Variants in DNAI4 observed in about 807,000 individuals in gnomAD.
DNAI4 encodes the protein WD repeat domain 78.
A neutral mutation model predicts 105.8 loss-of-function variants in DNAI4; 85 were observed. The ratio of observed to expected loss-of-function variants is 0.80; its 90% CI spans 0.67 to 0.96. DNAI4 has a LOEUF of 0.96. DNAI4 is among the 40% of genes least tolerant of loss of function. The probability of loss-of-function intolerance (pLI) is 0.00; values close to 1 mark genes in which losing one functional copy is unlikely to be tolerated. For synonymous variants in DNAI4, 352 were observed against 331.5 expected (o/e 1.06, Z -0.67); for missense variants, 1,014 against 1,005.6 (o/e 1.01, Z -0.11).
At chr1:66,814,747 C>T (rs558369168) in intron 16 of DNAI4, among the ~76,000 whole-genome samples, 3 of 152,258 alleles carry the variant, frequency 2.0e-5, no homozygotes, top group African/African-American at 7.2e-5. Context: ...TCCTATTTAA[C>T]CTTAATGCTT....
Position 66,924,683 on chromosome 1 carries a change from T to G in DNAI4, c.149A>C (p.His50Pro), listed in dbSNP as rs1569941588. 6.2e-7 allele frequency: 1 copy of G among 1,614,202 alleles called. No individual in the cohort carries two copies. Among genetic ancestry groups the G allele is most frequent in the East Asian group, 2.2e-5 (1 of 44,876 alleles). The stretch of plus-strand genomic sequence containing the variant: ...TTACAACCCGAAGTTCTGCTGCTTG[T>G]GACTGCCTGCCGGAGAGACTGGCAT... ...ATMPVSPAGS[H>P]KQQNFGLNNA... Residue 50 changes from histidine (H) to proline (P), a missense_variant, in exon 1 of 17, where the codon CAC becomes CCC. Coordinates refer to ENST00000371026, the MANE Select transcript of DNAI4 (RefSeq NM_024763.5).
chr1:66,900,831 A>G (rs1442223809), intron 2 of DNAI4, among the ~76,000 whole-genome samples: 2 of 152,194 alleles, frequency 1.3e-5, no homozygotes, highest in Non-Finnish European at 2.9e-5. Flanking sequence ...ACATCATGTC[A>G]TCTGCAAATA....
chr1:66,817,656 G>A (rs1219209357), intron 16 of DNAI4, among the ~76,000 whole-genome samples: 1 of 151,966 alleles, frequency 6.6e-6, no homozygotes, highest in Non-Finnish European at 1.5e-5. Flanking sequence ...TAATCCTACT[G>A]CATAGGAAAA....
chr1:66,842,369 T>A lies in DNAI4; in HGVS notation c.1292-1698A>T, dbSNP rs150084180. Among the ~76,000 whole-genome samples the A allele has an allele frequency of 7.2e-3, 1,098 of 152,182 alleles. 14 individuals carry two copies. The highest frequency in any genetic ancestry group is 0.023 in the African/African-American group (964 of 41,538). ...ATTACTAAATCATACGGTAAGAGTA[T>A]GTTTGGGTTTTTTTGTTTGTTTGTT... is the stretch of plus-strand genomic sequence containing the variant. On this transcript the variant is annotated intron_variant, in intron 8 of 16. Coordinates refer to ENST00000371026, the MANE Select transcript of DNAI4 (RefSeq NM_024763.5).
intron 7 of DNAI4, among the ~76,000 whole-genome samples, chr1:66,852,411 G>A (rs1307905714): frequency 1.3e-5 from 2 of 151,650 alleles, no homozygotes; most frequent in East Asian, 1.9e-4. Flanking sequence ...GAAACAAAGT[G>A]CAAAAAAGAA....
intron 1 of DNAI4, among the ~76,000 whole-genome samples, chr1:66,916,047 G>C (rs1039691063): frequency 2.7e-5 from 4 of 149,048 alleles, no homozygotes; most frequent in Non-Finnish European, 4.4e-5. Context: ...CTTAAACCCA[G>C]GAGGTGGAGA....
intron 2 of DNAI4, among the ~76,000 whole-genome samples, chr1:66,902,248 T>C (rs982417256): frequency 6.6e-6 from 1 of 152,156 alleles, no homozygotes; most frequent in African/African-American, 2.4e-5. Flanking sequence ...TTTTTAATAG[T>C]AGCTGTCATA....
In DNAI4 at chr1:66,850,892, G is replaced by T. The variant is rs531897509; in HGVS notation, c.1097-3214C>A. 2.0e-5 allele frequency among the ~76,000 whole-genome samples: 3 copies of T among 151,924 alleles called. No individual in the cohort carries two copies. The South Asian group carries it at 6.2e-4, about 32-fold the overall frequency. On this transcript the variant is annotated intron_variant, in intron 7 of 16. Transcript: ENST00000371026. Reference sequence around the variant, plus strand: ...ATTAAAGCAGAATGGTAAAAAAAATGTTTGGAAAAGCAGCAAGAAAGCAGG... The same window carrying T: ...ATTAAAGCAGAATGGTAAAAAAAATTTTTGGAAAAGCAGCAAGAAAGCAGG...
intron 6 of DNAI4, among the ~76,000 whole-genome samples, chr1:66,864,941 G>C (rs577340347): frequency 6.0e-4 from 92 of 152,278 alleles, no homozygotes; most frequent in Admixed American, 1.0e-3. Flanking sequence ...AGTGTACAGG[G>C]GGCTTCTAAT....
At position 66,893,327 on chromosome 1, in the gene DNAI4, G is replaced by C. The variant is rs756534485; in HGVS notation, c.432C>G (p.Leu144=). The part of the protein sequence containing the change: ...PLTGTAKPSK[L]LTSQEGSLGS... ...CAAGTGATCCTTCTTGTGATGTCAA[G>C]AGTTTACTTGGTTTTGCTGTACCAG... is the stretch of plus-strand genomic sequence containing the variant. The change falls in exon 3 of 17, where the codon CTC becomes CTG. Residue 144 remains leucine (L), a synonymous_variant. Coordinates refer to ENST00000371026, the MANE Select transcript of DNAI4 (RefSeq NM_024763.5). 15 of 1,610,332 alleles carry C rather than the reference G, an allele frequency of 9.3e-6. No individual in the cohort carries two copies. In the Admixed American group the frequency reaches 2.3e-4, roughly 25 times the overall value.
chr1:66,863,994 C>A (rs1646680684), intron 6 of DNAI4, among the ~76,000 whole-genome samples: 1 of 152,104 alleles, frequency 6.6e-6, no homozygotes, highest in Non-Finnish European at 1.5e-5. Context: ...CATATAGGAA[C>A]ATACTGTTAC....
chr1:66,829,082 T>C (rs1298202805), intron 13 of DNAI4, among the ~76,000 whole-genome samples: 1 of 152,134 alleles, frequency 6.6e-6, no homozygotes, highest in African/African-American at 2.4e-5. Context: ...CGTGACGCAG[T>C]TGCAATCAAG....
At chr1:66,857,692 G>T (rs530182952) in intron 7 of DNAI4, among the ~76,000 whole-genome samples, 1 of 151,918 alleles carries the variant, frequency 6.6e-6, no homozygotes, top group Admixed American at 6.5e-5. Context: ...GAACCACAAC[G>T]CCCGGCTGAT....
At chr1:66,909,284 C>CCACACACA in intron 1 of DNAI4, among the ~76,000 whole-genome samples, 1 of 24,862 alleles carries the variant, frequency 4.0e-5, no homozygotes, top group South Asian at 1.7e-3. Context: ...CCACCTCTCT[C>CCACACACA]TACACACACA....
At chr1:66,887,172 T>A (rs562835023) in intron 4 of DNAI4, among the ~76,000 whole-genome samples, 2 of 152,296 alleles carry the variant, frequency 1.3e-5, no homozygotes, top group Non-Finnish European at 2.9e-5. Flanking sequence ...AATTTTTTAC[T>A]CTTATACTAG....
chr1:66,815,977 C>A (rs897263450), intron 16 of DNAI4, among the ~76,000 whole-genome samples: 1 of 152,024 alleles, frequency 6.6e-6, no homozygotes, highest in Non-Finnish European at 1.5e-5. Flanking sequence ...TTGCTGTCAT[C>A]GGGAAGGGGC....
At chr1:66,853,750 C>G (rs907457778) in intron 7 of DNAI4, among the ~76,000 whole-genome samples, 1 of 152,172 alleles carries the variant, frequency 6.6e-6, no homozygotes, top group Non-Finnish European at 1.5e-5. Context: ...TACAAAAAAA[C>G]TACTGGTAAC....
intron 9 of DNAI4, 137 bp downstream of exon 9, chr1:66,840,332 G>A: frequency 1.3e-6 from 1 of 743,214 alleles, no homozygotes; most frequent in South Asian, 1.9e-5. Flanking sequence ...CTTGTTTTAG[G>A]GGCATTCTAA....
chr1:66,886,756 T>C (rs1210454453), intron 4 of DNAI4, among the ~76,000 whole-genome samples: 1 of 152,122 alleles, frequency 6.6e-6, no homozygotes, highest in Non-Finnish European at 1.5e-5. Flanking sequence ...CTATTCCTAC[T>C]TCAAGGGCAC....
Sources: gnomAD v4.1 joint callset for allele counts (sites outside exome capture counted in the v4.1 genomes callset) on GRCh38, gnomAD v4.1.1 for gene constraint, MANE v1.5 for transcripts, NCBI Gene and HGNC (gene_info 2026-07-23, HGNC 2026-07-21) for gene names.